MARK2: variants seen among roughly 807,000 people sequenced by gnomAD.
MARK2 encodes the protein serine/threonine-protein kinase MARK2.
Under a neutral mutation model 89.8 loss-of-function variants are expected in MARK2, and 16 were observed. The ratio of observed to expected loss-of-function variants is 0.18; its 90% CI spans 0.12 to 0.27. The LOEUF (loss-of-function observed/expected upper bound fraction) is 0.27, where lower values mean the gene tolerates loss of function less well. Ranked by LOEUF, MARK2 falls within the 10% of genes least tolerant of loss-of-function variation. The probability of loss-of-function intolerance (pLI) is 1.00; values close to 1 mark genes in which losing one functional copy is unlikely to be tolerated. For synonymous variants in MARK2, 382 were observed against 399.5 expected, an observed-to-expected ratio of 0.96 and a Z score of 0.52; for missense variants, 621 against 1,049.9, an observed-to-expected ratio of 0.59 and a Z score of 5.65.
chr11:63,867,086 G>A (rs576058470), intron 1 of MARK2, among the ~76,000 whole-genome samples: 1 of 152,316 alleles, frequency 6.6e-6, no homozygotes, highest in South Asian at 2.1e-4. Flanking sequence ...GAGTGCAGTG[G>A]CATGATCTTG....
chr11:63,889,020 T>C (rs1939604787), intron 1 of MARK2: 9 of 1,277,190 alleles, frequency 7.0e-6, no homozygotes, highest in Non-Finnish European at 9.4e-6. Flanking sequence ...TTTCCTCTCA[T>C]CTCAAACATA....
In MARK2 at chr11:63,860,411, G is replaced by A. The variant is rs368595573; in HGVS notation, c.54+20851G>A. On this transcript the variant is annotated intron_variant, in intron 1 of 18. Transcript: ENST00000402010. ...TACTAAAAATACAAAAATTAGCCGG[G>A]CGTGGTGGCGTGCGCCTGTAGTCCC... is the stretch of plus-strand genomic sequence containing the variant. Among the ~76,000 whole-genome samples, 3 of 150,908 alleles carry A rather than the reference G, an allele frequency of 2.0e-5. No homozygotes were observed. The South Asian group carries it at 6.3e-4, about 32-fold the overall frequency.
intron 1 of MARK2, chr11:63,869,058 G>C: frequency 2.8e-6 from 1 of 352,956 alleles, no homozygotes; most frequent in South Asian, 2.1e-5. Flanking sequence ...CTTCTTCCTT[G>C]ATTCTGGTCT....
At chr11:63,888,432 G>A (rs1482634003) in intron 1 of MARK2, 1 of 712,316 alleles carries the variant, frequency 1.4e-6, no homozygotes, top group Non-Finnish European at 1.7e-6. Flanking sequence ...TCGACCTCTC[G>A]CCAGCTGTTA....
Position 63,884,864 on chromosome 11 carries a change from G to A in MARK2, c.55-10295G>A, listed in dbSNP as rs76311126. 2.0e-3 allele frequency among the ~76,000 whole-genome samples: 301 copies of A among 152,310 alleles called. 2 individuals carry two copies. The highest frequency in any genetic ancestry group is 7.0e-3 in the African/African-American group (293 of 41,566). On this transcript the variant is annotated intron_variant, in intron 1 of 18. Coordinates refer to ENST00000402010, the MANE Select transcript of MARK2 (RefSeq NM_001039469.3). ...AAAGACAGTTTCTGGATACAGTGAG[G>A]GAGGAAGGGTTAAAAAACAAAGGAC...
chr11:63,839,720 C>CGA (rs2015908582), intron 1 of MARK2, among the ~76,000 whole-genome samples, 160 bp downstream of exon 1: 2 of 152,254 alleles, frequency 1.3e-5, no homozygotes, highest in African/African-American at 4.8e-5. Flanking sequence ...ATCCCGCTTC[C>CGA]GAGTCCTGAC....
intron 1 of MARK2, among the ~76,000 whole-genome samples, chr11:63,857,036 C>T (rs1314479188): frequency 6.6e-6 from 1 of 151,360 alleles, no homozygotes; most frequent in Admixed American, 6.6e-5. Flanking sequence ...TGGTCTCGAT[C>T]TCCTGACCTC....
At position 63,902,634 on chromosome 11, in the gene MARK2, A is replaced by G; in HGVS notation, c.1268A>G (p.Tyr423Cys). ...CCTGCCATTCCCACCTCTAATTCTT[A>G]CTCTAAGAAGACTCAGAGTAACAAC... is the stretch of plus-strand genomic sequence containing the variant. ...AGPAIPTSNSYSKKTQSNNAE... is the reference protein window; with the variant it reads ...AGPAIPTSNSCSKKTQSNNAE... The change falls in exon 13 of 19, where the codon TAC becomes TGC. Residue 423 changes from tyrosine to cysteine, a missense_variant. By Grantham distance (194) the Tyr-to-Cys change is radical (BLOSUM62 -2). Transcript: ENST00000402010. The surrounding 1 kb of genome is among the most constrained non-coding windows in gnomAD (Gnocchi z 4.2). 6.2e-7 allele frequency: 1 copy of G among 1,613,848 alleles called. No homozygotes were observed. Among genetic ancestry groups the G allele is most frequent in the Non-Finnish European group, 8.5e-7 (1 of 1,179,954 alleles).
At chr11:63,862,868 A>AG (rs1450478503) in intron 1 of MARK2, among the ~76,000 whole-genome samples, 3 of 27,926 alleles carry the variant, frequency 1.1e-4, no homozygotes, top group Admixed American at 1.9e-3. Flanking sequence ...ACTCCCCACC[A>AG]AAAAAAACCC....
chr11:63,903,491 A>G lies in MARK2; in HGVS notation c.1514+333A>G. The G allele has an allele frequency of 2.6e-6, 1 of 377,994 alleles. No individual in the cohort carries two copies. Among genetic ancestry groups the G allele is most frequent in the East Asian group, 5.8e-5 (1 of 17,322 alleles). The allele number at this position is 377,994 out of a possible 1,614,324, so 23.4% of individuals were successfully genotyped here. A position where few individuals can be genotyped will look rare whatever the true frequency, so the allele number is the denominator to read the frequency against. On this transcript the variant is annotated intron_variant, in intron 14 of 18. Coordinates refer to ENST00000402010, the MANE Select transcript of MARK2 (RefSeq NM_001039469.3). The surrounding 1 kb of genome is among the most constrained non-coding windows in gnomAD (Gnocchi z 5.1). ...GGCCTTGTGTTGGGGGTCCCAGCTC[A>G]GGGCAGAACCAAGAGATGCCCACCT...
At chr11:63,873,853 G>A (rs1471956663) in intron 1 of MARK2, among the ~76,000 whole-genome samples, 1 of 152,184 alleles carries the variant, frequency 6.6e-6, no homozygotes, top group African/African-American at 2.4e-5. Context: ...CACCATGTTG[G>A]CCAGGCTGGT....
intron 1 of MARK2, among the ~76,000 whole-genome samples, chr11:63,860,875 AAAAC>A (rs1264685189): frequency 1.3e-5 from 2 of 152,054 alleles, no homozygotes; most frequent in Non-Finnish European, 2.9e-5. Flanking sequence ...AAAAAAAACA[AAAAC>A]AAAAACTCAT....
intron 1 of MARK2, among the ~76,000 whole-genome samples, chr11:63,877,191 C>T (rs1938816255): frequency 6.9e-6 from 1 of 145,804 alleles, no homozygotes; most frequent in African/African-American, 2.5e-5. Flanking sequence ...CTCACTGCAG[C>T]CTCGACCTCC....
chr11:63,847,335 G>A (rs2016335283), intron 1 of MARK2, among the ~76,000 whole-genome samples: 1 of 152,216 alleles, frequency 6.6e-6, no homozygotes, highest in Non-Finnish European at 1.5e-5. Flanking sequence ...TAGGAGAGGA[G>A]GGGAGATGGA....
At chr11:63,905,115 G>A (rs1301535470) in intron 16 of MARK2, 72 bp downstream of exon 16, 11 of 707,332 alleles carry the variant, frequency 1.6e-5, no homozygotes, top group Admixed American at 2.1e-5. Flanking sequence ...TGGGTTGGGG[G>A]TTGGGGGTTG....
At position 63,839,573 on chromosome 11, in the gene MARK2, G is replaced by A. The variant is rs775205914; in HGVS notation, c.54+13G>A. On this transcript the variant is annotated intron_variant, in intron 1 of 18. Coordinates refer to ENST00000402010, the MANE Select transcript of MARK2 (RefSeq NM_001039469.3). ...GGACACGGAGCAGGTAAGGAGCCCCGAGGGCTCCCCGAATTCTCTGGCTGG... is the reference window on the plus strand; with the variant it reads ...GGACACGGAGCAGGTAAGGAGCCCCAAGGGCTCCCCGAATTCTCTGGCTGG... 210 of 1,512,736 alleles carry A rather than the reference G, an allele frequency of 1.4e-4. No homozygotes were observed. Among genetic ancestry groups the A allele is most frequent in the Non-Finnish European group, 1.8e-4 (198 of 1,121,436 alleles). The allele number at this position is 1,512,736 out of a possible 1,614,324, so 93.7% of individuals were successfully genotyped here.
chr11:63,867,779 A>G (rs965357427), intron 1 of MARK2, among the ~76,000 whole-genome samples: 1 of 152,160 alleles, frequency 6.6e-6, no homozygotes, highest in African/African-American at 2.4e-5. Flanking sequence ...AGGCATCCGC[A>G]TTCATGGAAA....
intron 1 of MARK2, among the ~76,000 whole-genome samples, chr11:63,861,815 C>T (rs1217561563): frequency 6.7e-6 from 1 of 149,406 alleles, no homozygotes; most frequent in African/African-American, 2.5e-5. Flanking sequence ...GACCTTGGCT[C>T]ACTGCAACCT....
At chr11:63,861,534 A>G (rs1044548031) in intron 1 of MARK2, among the ~76,000 whole-genome samples, 2 of 152,184 alleles carry the variant, frequency 1.3e-5, no homozygotes, top group African/African-American at 2.4e-5. Context: ...CTGTAAGCGC[A>G]TTAATCTGGT....
Sources: allele counts gnomAD v4.1 joint callset (sites outside exome capture counted in the v4.1 genomes callset), GRCh38; gene constraint gnomAD v4.1.1; non-coding constraint Gnocchi (gnomAD v3.1); transcripts MANE v1.5; gene names NCBI Gene and HGNC (gene_info 2026-07-23, HGNC 2026-07-21).